Variants in AKAP6 observed in about 807,000 individuals in gnomAD.
AKAP6 encodes A-kinase anchor protein 6.
Under a neutral mutation model 188.5 loss-of-function variants are expected in AKAP6, and 58 were observed. The ratio of observed to expected loss-of-function variants is 0.31; its 90% confidence interval spans 0.25 to 0.38. The LOEUF (loss-of-function observed/expected upper bound fraction) is 0.38, where lower values mean the gene tolerates loss of function less well. Among genes scored for constraint, AKAP6 ranks in the 10% least tolerant of loss-of-function variants. The pLI, the probability that AKAP6 is intolerant of heterozygous loss-of-function variation, is 1.00. For synonymous variants in AKAP6, 989 were observed against 998.6 expected (o/e 0.99, Z 0.18); for missense variants, 2,710 against 2,740.0 (o/e 0.99, Z 0.24).
In AKAP6 at chr14:32,433,504, T is replaced by C; in HGVS notation, c.11T>C (p.Met4Thr). MLT[M>T]SVTLSPLRSQ... The stretch of plus-strand genomic sequence containing the variant: ...GGTTTAGACTTCTCCATGTTAACCA[T>C]GAGCGTGACACTTTCCCCCCTGAGG... Residue 4 changes from methionine (M) to threonine (T), a missense_variant, in exon 2 of 14, where the codon ATG (methionine) becomes ACG (threonine). By Grantham distance (81) the Met-to-Thr change is moderately conservative. Around this residue, in one of 2 missense-constraint regions of AKAP6, gnomAD observed 237 missense variants for 313.9 expected, o/e 0.76. Transcript: ENST00000280979. 1 of 1,613,908 alleles carries C rather than the reference T, an allele frequency of 6.2e-7. No homozygotes were observed. Among genetic ancestry groups the C allele is most frequent in the Non-Finnish European group, 8.5e-7 (1 of 1,179,804 alleles).
chr14:32,687,669 C>A (rs1359255826), intron 8 of AKAP6, among the ~76,000 whole-genome samples: 1 of 152,054 alleles, frequency 6.6e-6, no homozygotes, highest in African/African-American at 2.4e-5. Context: ...TTATTTCCAT[C>A]CAGCATTTCT....
rs371154148 is a variant in AKAP6, at chr14:32,426,709, G to A, written c.-34-6751G>A. On this transcript the variant is annotated intron_variant, in intron 1 of 13. Coordinates refer to ENST00000280979, the MANE Select transcript of AKAP6 (RefSeq NM_004274.5). ...TATTGATGACCGTGGGTGCCACTGC[G>A]GCTGCCTGCCTGAAGCAGTCAAATG... Among the ~76,000 whole-genome samples, 17 of 152,132 alleles carry A rather than the reference G, an allele frequency of 1.1e-4. No homozygotes were observed. The East Asian group carries it at 1.9e-3, about 17-fold the overall frequency.
At chr14:32,418,814 T>C (rs1391535576) in intron 1 of AKAP6, among the ~76,000 whole-genome samples, 2 of 152,166 alleles carry the variant, frequency 1.3e-5, no homozygotes, top group Non-Finnish European at 2.9e-5. Flanking sequence ...TGATTGAAGG[T>C]GAATTTGTAT....
At chr14:32,828,563 A>G (rs1420539221) in intron 13 of AKAP6, among the ~76,000 whole-genome samples, 2 of 137,866 alleles carry the variant, frequency 1.5e-5, no homozygotes, top group African/African-American at 5.8e-5. Flanking sequence ...ACACACACAC[A>G]CACACACACT....
intron 4 of AKAP6, among the ~76,000 whole-genome samples, chr14:32,553,576 A>G (rs1883572428): frequency 6.6e-6 from 1 of 152,146 alleles, no homozygotes; most frequent in African/African-American, 2.4e-5. Flanking sequence ...TCTCATCCTT[A>G]TCACTCCATC....
rs556728414 is a variant in AKAP6 at position 32,717,061 on chromosome 14, G to GCAGGTGGAT, written c.3001-15376_3001-15368dup. On this transcript the variant is annotated intron_variant, in intron 9 of 13. Transcript: ENST00000280979. ...GAAATATGAAATGACCTTCCCTGGAGCAGGTGGATCAGGTGGATCAGGTGG... is the reference window on the plus strand; with the variant it reads ...GAAATATGAAATGACCTTCCCTGGAGCAGGTGGATCAGGTGGATCAGGTGGATCAGGTGG... Among the ~76,000 whole-genome samples, 8 of 152,232 alleles carry GCAGGTGGAT rather than the reference G, an allele frequency of 5.3e-5. No individual in the cohort carries two copies. In the South Asian group the frequency reaches 1.5e-3, roughly 28 times the overall value.
intron 2 of AKAP6, among the ~76,000 whole-genome samples, chr14:32,479,664 C>G (rs544948425): frequency 6.6e-6 from 1 of 152,070 alleles, no homozygotes. Context: ...ATGTTGAAAT[C>G]CTAACCTCCA....
intron 12 of AKAP6, among the ~76,000 whole-genome samples, chr14:32,790,807 T>C (rs926524124): frequency 6.6e-6 from 1 of 152,040 alleles, no homozygotes; most frequent in African/African-American, 2.4e-5. Flanking sequence ...TGTGATGTTC[T>C]GCTCCCTGTG....
At chr14:32,496,598 A>G (rs886677207) in intron 2 of AKAP6, among the ~76,000 whole-genome samples, 3 of 151,982 alleles carry the variant, frequency 2.0e-5, no homozygotes, top group Non-Finnish European at 2.9e-5. Context: ...GTTGAAAAGA[A>G]TATTTTCCTA....
At chr14:32,606,912 T>G (rs544889754) in intron 7 of AKAP6, among the ~76,000 whole-genome samples, 1 of 152,210 alleles carries the variant, frequency 6.6e-6, no homozygotes, top group Non-Finnish European at 1.5e-5. Context: ...TTTACATCTA[T>G]GTGGCCTTTG....
chr14:32,532,160 A>G (rs1212538990), intron 2 of AKAP6, among the ~76,000 whole-genome samples: 1 of 152,068 alleles, frequency 6.6e-6, no homozygotes, highest in Non-Finnish European at 1.5e-5. Context: ...GCTGTCAGTA[A>G]TTTTTTTATT....
chr14:32,342,869 C>A (rs1211747641), intron 1 of AKAP6, among the ~76,000 whole-genome samples: 2 of 152,122 alleles, frequency 1.3e-5, no homozygotes, highest in African/African-American at 4.8e-5. Context: ...TTACATAGTG[C>A]TGACTTCAGT....
At chr14:32,581,600 A>G (rs1275902510) in intron 5 of AKAP6, among the ~76,000 whole-genome samples, 3 of 152,118 alleles carry the variant, frequency 2.0e-5, no homozygotes, top group African/African-American at 7.2e-5. Flanking sequence ...GGGTTGTTAA[A>G]GTCTCCCATT....
chr14:32,708,986 A>G (rs1012034213), intron 9 of AKAP6, among the ~76,000 whole-genome samples: 2 of 152,080 alleles, frequency 1.3e-5, no homozygotes, highest in Non-Finnish European at 2.9e-5. Context: ...TCCTCATGTT[A>G]ACTTAAGTAT....
chr14:32,786,296 A>ATGTTTTGTTTTTTTT, intron 12 of AKAP6, among the ~76,000 whole-genome samples: 1 of 93,706 alleles, frequency 1.1e-5, no homozygotes, highest in Non-Finnish European at 2.1e-5. Flanking sequence ...CTAAACCTTT[A>ATGTTTTGTTTTTTTT]TCTTTTTTTT....
At chr14:32,418,598 A>G (rs1889738378) in intron 1 of AKAP6, among the ~76,000 whole-genome samples, 1 of 152,180 alleles carries the variant, frequency 6.6e-6, no homozygotes, top group Non-Finnish European at 1.5e-5. Context: ...ATTTTAAAAA[A>G]AATCTTGTTT....
intron 2 of AKAP6, among the ~76,000 whole-genome samples, chr14:32,452,068 C>T (rs967446166): frequency 1.7e-5 from 2 of 117,092 alleles, no homozygotes; most frequent in East Asian, 5.4e-4. Context: ...GTTGCCCAGG[C>T]TGGAGTCCAG....
At chr14:32,336,797 T>C (rs1298955811) in intron 1 of AKAP6, among the ~76,000 whole-genome samples, 1 of 152,190 alleles carries the variant, frequency 6.6e-6, no homozygotes, top group Non-Finnish European at 1.5e-5. Context: ...AGTTTGTTAC[T>C]ACTCCACCTC....
At chr14:32,779,975 A>C (rs193118980) in intron 12 of AKAP6, among the ~76,000 whole-genome samples, 14 of 152,168 alleles carry the variant, frequency 9.2e-5, no homozygotes, top group African/African-American at 3.4e-4. Context: ...AGAAAGTGAA[A>C]ATAGAACTAC....
Sources: allele counts gnomAD v4.1 joint callset (sites outside exome capture counted in the v4.1 genomes callset), GRCh38; gene constraint gnomAD v4.1.1; regional missense constraint gnomAD v4.1.1; transcripts MANE v1.5; gene names NCBI Gene and HGNC (gene_info 2026-07-23, HGNC 2026-07-21).